Variants in HCN1 observed in about 807,000 individuals in gnomAD.
HCN1 encodes the protein hyperpolarization activated cyclic nucleotide gated potassium channel 1.
HCN1 carries 13 observed loss-of-function variants against 78.9 expected under a neutral mutation model. That is an observed-to-expected ratio of 0.16 (90% CI 0.11 to 0.26). HCN1 has a LOEUF of 0.26. Ranked by LOEUF, HCN1 falls within the 10% of genes least tolerant of loss-of-function variation. The pLI is 1.00. For missense variants in HCN1, 810 were observed against 1,154.3 expected (o/e 0.70, Z 4.32); for synonymous variants, 552 against 455.5 (o/e 1.21, Z -2.70).
intron 4 of HCN1, among the ~76,000 whole-genome samples, chr5:45,360,006 A>G (rs1747079263): frequency 6.6e-6 from 1 of 150,736 alleles, no homozygotes; most frequent in Admixed American, 6.6e-5. Flanking sequence ...TCAATTTGAA[A>G]TGATAATATC....
chr5:45,543,067 C>A (rs1189624956), intron 2 of HCN1, among the ~76,000 whole-genome samples: 1 of 152,138 alleles, frequency 6.6e-6, no homozygotes, highest in East Asian at 1.9e-4. Flanking sequence ...ACATCTTACT[C>A]TCCCTCTCTG....
chr5:45,600,526 T>C (rs12521112), intron 2 of HCN1, among the ~76,000 whole-genome samples: 9,871 of 152,196 alleles, frequency 0.065, 396 homozygotes, highest in East Asian at 0.15. Flanking sequence ...ACTACCAGTA[T>C]ACTAGCCATT....
intron 5 of HCN1, among the ~76,000 whole-genome samples, chr5:45,310,983 G>A (rs1745841244): frequency 6.6e-6 from 1 of 152,064 alleles, no homozygotes. Context: ...TGGACATACA[G>A]AGAGGAACAA....
chr5:45,506,345 A>G (rs974078390), intron 2 of HCN1, among the ~76,000 whole-genome samples: 2 of 152,136 alleles, frequency 1.3e-5, no homozygotes, highest in Non-Finnish European at 2.9e-5. Flanking sequence ...CAGAGACACC[A>G]TCTACCAGAT....
intron 5 of HCN1, among the ~76,000 whole-genome samples, chr5:45,327,498 AG>A (rs1746259418): frequency 6.6e-6 from 1 of 151,684 alleles, no homozygotes; most frequent in African/African-American, 2.4e-5. Context: ...AAGGAAATCA[AG>A]TCAGGTCCTA....
intron 5 of HCN1, among the ~76,000 whole-genome samples, chr5:45,317,158 T>A (rs934877125): frequency 6.6e-6 from 1 of 152,136 alleles, no homozygotes; most frequent in Non-Finnish European, 1.5e-5. Flanking sequence ...GTTACCTGAC[T>A]TCAAACTACA....
chr5:45,468,409 CAT>C (rs1171247626), intron 2 of HCN1, among the ~76,000 whole-genome samples: 1 of 151,956 alleles, frequency 6.6e-6, no homozygotes, highest in Non-Finnish European at 1.5e-5. Context: ...TAAACATATA[CAT>C]GTTTGCATAA....
At chr5:45,264,781 A>C (rs1744819823) in intron 7 of HCN1, among the ~76,000 whole-genome samples, 1 of 152,250 alleles carries the variant, frequency 6.6e-6, no homozygotes, top group African/African-American at 2.4e-5. Context: ...AAAATAATGT[A>C]ACTTTTAATA....
chr5:45,308,622 T>C (rs185370368), intron 5 of HCN1, among the ~76,000 whole-genome samples: 20 of 152,238 alleles, frequency 1.3e-4, no homozygotes, highest in Admixed American at 7.9e-4. Flanking sequence ...AGACAAATTG[T>C]ATATATATCA....
chr5:45,622,547 AT>A (rs1435065443), intron 2 of HCN1, among the ~76,000 whole-genome samples: 1 of 152,152 alleles, frequency 6.6e-6, no homozygotes, highest in African/African-American at 2.4e-5. Context: ...GAGAGAGACA[AT>A]TAAAGCTGAT....
intron 2 of HCN1, among the ~76,000 whole-genome samples, chr5:45,578,559 C>T (rs528036741): frequency 7.9e-5 from 12 of 152,064 alleles, no homozygotes; most frequent in African/African-American, 2.9e-4. Flanking sequence ...GTCTTTAAGC[C>T]AATTTTAGAG....
intron 4 of HCN1, among the ~76,000 whole-genome samples, chr5:45,369,430 A>G (rs1442281681): frequency 1.3e-5 from 2 of 152,040 alleles, no homozygotes; most frequent in Non-Finnish European, 2.9e-5. Flanking sequence ...TGGAAAGCCA[A>G]AATATTTCAA....
intron 2 of HCN1, among the ~76,000 whole-genome samples, chr5:45,601,792 TG>T (rs1399393460): frequency 6.6e-6 from 1 of 152,182 alleles, no homozygotes; most frequent in Non-Finnish European, 1.5e-5. Context: ...TGAGAAAGAA[TG>T]GAAAGTGTGC....
intron 5 of HCN1, among the ~76,000 whole-genome samples, chr5:45,347,387 C>T (rs1045028575): frequency 2.0e-5 from 3 of 152,178 alleles, no homozygotes; most frequent in South Asian, 4.1e-4. Context: ...CGTCAAAGAA[C>T]AAAAGTCGAT....
At chr5:45,579,290 T>C (rs1579979813) in intron 2 of HCN1, among the ~76,000 whole-genome samples, 1 of 152,054 alleles carries the variant, frequency 6.6e-6, no homozygotes, top group Non-Finnish European at 1.5e-5. Context: ...TATTGTTTCC[T>C]TTATACCAAG....
At chr5:45,633,536 C>T (rs1280118743) in intron 2 of HCN1, among the ~76,000 whole-genome samples, 1 of 151,944 alleles carries the variant, frequency 6.6e-6, no homozygotes, top group Non-Finnish European at 1.5e-5. Flanking sequence ...ATTCACAATA[C>T]ATGAGAATTC....
At chr5:45,463,429 T>G (rs185176570) in intron 2 of HCN1, among the ~76,000 whole-genome samples, 59 of 152,166 alleles carry the variant, frequency 3.9e-4, no homozygotes, top group African/African-American at 1.4e-3. Flanking sequence ...CACACTGTTC[T>G]GAATTCTTTT....
In HCN1 at chr5:45,336,320, G is replaced by T. The variant is rs565168687; in HGVS notation, c.1377+16780C>A. On this transcript the variant is annotated intron_variant, in intron 5 of 7. Coordinates refer to ENST00000303230, the MANE Select transcript of HCN1 (RefSeq NM_021072.4). ...GTTTTAATTTAAAATGCTATGTTTT[G>T]GGGTAACATCTTAAGAATTTTCCTC... Among the ~76,000 whole-genome samples the T allele has an allele frequency of 7.9e-5, 12 of 152,124 alleles. 1 individual carries two copies. The East Asian group carries it at 1.7e-3, about 22-fold the overall frequency.
chr5:45,463,577 T>C (rs1741208832), intron 2 of HCN1, among the ~76,000 whole-genome samples: 1 of 152,004 alleles, frequency 6.6e-6, no homozygotes, highest in Non-Finnish European at 1.5e-5. Context: ...GGTTTTAAAT[T>C]TGGAAAACCT....
Sources: allele counts gnomAD v4.1 joint callset (sites outside exome capture counted in the v4.1 genomes callset), GRCh38; gene constraint gnomAD v4.1.1; transcripts MANE v1.5; gene names NCBI Gene and HGNC (gene_info 2026-07-23, HGNC 2026-07-21).